The following PEBP4 variants were observed in gnomAD, a reference collection of about 807,000 sequenced individuals.
PEBP4 encodes phosphatidylethanolamine binding protein 4.
PEBP4 carries 22 observed loss-of-function variants against 23.9 expected under a neutral mutation model. That is an observed-to-expected ratio of 0.92 (90% CI 0.66 to 1.31). The LOEUF is 1.31. Among genes scored for constraint, PEBP4 ranks in the 40% most tolerant of loss-of-function variants. The probability of loss-of-function intolerance (pLI) is 0.00; values close to 1 mark genes in which losing one functional copy is unlikely to be tolerated. For synonymous variants in PEBP4, 112 were observed against 99.3 expected, an observed-to-expected ratio of 1.13 and a Z score of -0.76; for missense variants, 324 against 281.7, an observed-to-expected ratio of 1.15 and a Z score of -1.07.
intron 1 of PEBP4, among the ~76,000 whole-genome samples, chr8:22,940,681 G>C (rs1036658851): frequency 6.6e-5 from 10 of 151,942 alleles, no homozygotes; most frequent in Non-Finnish European, 1.5e-4. Flanking sequence ...AGTAGAGACG[G>C]GGTTTCACCA....
At chr8:22,733,739 G>T (rs1275108702) in intron 4 of PEBP4, among the ~76,000 whole-genome samples, 1 of 150,714 alleles carries the variant, frequency 6.6e-6, no homozygotes. Flanking sequence ...GGTCAGAGTG[G>T]GAAGTTTTGC....
At chr8:22,806,995 C>T (rs1806508872) in intron 4 of PEBP4, among the ~76,000 whole-genome samples, 1 of 152,228 alleles carries the variant, frequency 6.6e-6, no homozygotes, top group African/African-American at 2.4e-5. Context: ...TATATTGTCT[C>T]AGACCATCTG....
chr8:22,873,931 A>G (rs1387018385), intron 3 of PEBP4, among the ~76,000 whole-genome samples: 2 of 152,078 alleles, frequency 1.3e-5, no homozygotes, highest in Non-Finnish European at 2.9e-5. Flanking sequence ...CTGTTTCTCT[A>G]GCTTCCCTCA....
intron 4 of PEBP4, among the ~76,000 whole-genome samples, chr8:22,805,441 C>G (rs1304885344): frequency 6.6e-6 from 1 of 152,264 alleles, no homozygotes; most frequent in Non-Finnish European, 1.5e-5. Flanking sequence ...ATTCTCCTGC[C>G]TCAGCCTCCC....
intron 1 of PEBP4, among the ~76,000 whole-genome samples, chr8:22,934,062 T>C (rs1334292306): frequency 2.6e-5 from 4 of 152,106 alleles, no homozygotes. Context: ...CCAGTTCTCA[T>C]GGAACTAATA....
intron 3 of PEBP4, among the ~76,000 whole-genome samples, chr8:22,860,898 C>T (rs993786323): frequency 2.0e-5 from 3 of 152,214 alleles, no homozygotes; most frequent in South Asian, 2.1e-4. Flanking sequence ...TGTGCTGCCA[C>T]GAGGTCTACT....
At chr8:22,798,713 TTTC>T (rs1302612631) in intron 4 of PEBP4, 13 of 92,330 alleles carry the variant, frequency 1.4e-4, no homozygotes, top group African/African-American at 6.1e-4. Context: ...TAAATTTTTT[TTTC>T]TTTTCTTTTT....
intron 4 of PEBP4, among the ~76,000 whole-genome samples, chr8:22,804,558 T>A (rs2128759421): frequency 6.6e-6 from 1 of 152,248 alleles, no homozygotes; most frequent in South Asian, 2.1e-4. Flanking sequence ...TACTACTAAG[T>A]ATAGGCACCG....
intron 3 of PEBP4, among the ~76,000 whole-genome samples, chr8:22,871,459 CTTTTT>C (rs200615987): frequency 2.7e-5 from 4 of 147,274 alleles, no homozygotes; most frequent in African/African-American, 1.0e-4. Flanking sequence ...CCATAACATT[CTTTTT>C]TTTTCATTTT....
At chr8:22,937,779 T>C (rs1809558600) in intron 1 of PEBP4, among the ~76,000 whole-genome samples, 1 of 116,328 alleles carries the variant, frequency 8.6e-6, no homozygotes, top group South Asian at 2.8e-4. Flanking sequence ...TAAACCCTCA[T>C]ATGTGTGTAT....
chr8:22,885,668 C>T (rs1286355394), intron 3 of PEBP4: 2 of 152,246 alleles, frequency 1.3e-5, no homozygotes, highest in Non-Finnish European at 2.9e-5. Flanking sequence ...ATCTCCACTT[C>T]CTGGCGTCCT....
At chr8:22,776,706 C>T (rs1805820968) in intron 4 of PEBP4, among the ~76,000 whole-genome samples, 1 of 151,294 alleles carries the variant, frequency 6.6e-6, no homozygotes, top group Non-Finnish European at 1.5e-5. Flanking sequence ...AACATAATCA[C>T]TCGTTGACTT....
At chr8:22,801,398 T>G (rs979750975) in intron 4 of PEBP4, among the ~76,000 whole-genome samples, 2 of 152,170 alleles carry the variant, frequency 1.3e-5, no homozygotes, top group Non-Finnish European at 2.9e-5. Flanking sequence ...TACCTACCAC[T>G]GCACCACACT....
At chr8:22,749,336 C>T (rs1163167780) in intron 4 of PEBP4, among the ~76,000 whole-genome samples, 1 of 152,162 alleles carries the variant, frequency 6.6e-6, no homozygotes, top group African/African-American at 2.4e-5. Flanking sequence ...CTCTGCAGCT[C>T]TTCTTGTTTT....
At chr8:22,793,975 AAAC>A (rs1463935452) in intron 4 of PEBP4, among the ~76,000 whole-genome samples, 1 of 152,236 alleles carries the variant, frequency 6.6e-6, no homozygotes, top group African/African-American at 2.4e-5. Flanking sequence ...TTAAAAACCA[AAAC>A]AAAAGTCAAA....
At chr8:22,731,224 T>G (rs888375558) in intron 4 of PEBP4, among the ~76,000 whole-genome samples, 5 of 152,190 alleles carry the variant, frequency 3.3e-5, no homozygotes, top group Non-Finnish European at 5.9e-5. Context: ...TCCCGCCTCC[T>G]GTTGCACCTC....
intron 3 of PEBP4, among the ~76,000 whole-genome samples, chr8:22,837,079 C>T (rs560301654): frequency 6.6e-6 from 1 of 152,326 alleles, no homozygotes; most frequent in East Asian, 1.9e-4. Flanking sequence ...CATCTTTCGA[C>T]TCTTCCCTCT....
At chr8:22,888,156 T>TTC (rs1554494689) in intron 3 of PEBP4, 3 of 43,204 alleles carry the variant, frequency 6.9e-5, no homozygotes, top group East Asian at 2.1e-3. Context: ...CACCCACTTC[T>TTC]TTTTTTTTTT....
At position 22,927,736 on chromosome 8, in the gene PEBP4, C is replaced by A. The variant is rs201758779; in HGVS notation, c.-6-16G>T. 14 of 1,613,190 alleles carry A rather than the reference C, an allele frequency of 8.7e-6. 1 individual carries two copies. In the African/African-American group the frequency reaches 1.9e-4, roughly 22 times the overall value. ...CCATGGGCACCTGGAACAGAAAGAA[C>A]TTTAGAGCGGCTGGATCCCCTGCAG... is the stretch of plus-strand genomic sequence containing the variant. On this transcript the variant is annotated splice_polypyrimidine_tract_variant and intron_variant, in intron 1 of 6. Transcript: ENST00000256404.
Sources: allele counts gnomAD v4.1 joint callset (sites outside exome capture counted in the v4.1 genomes callset), GRCh38; gene constraint gnomAD v4.1.1; transcripts MANE v1.5; gene names NCBI Gene and HGNC (gene_info 2026-07-23, HGNC 2026-07-21).